PWP1: variants seen among roughly 807,000 people sequenced by gnomAD.
The protein encoded by PWP1 is periodic tryptophan protein 1 homolog.
In PWP1, 47 loss-of-function variants were observed where a neutral mutation model predicts 69.9. The ratio of observed to expected loss-of-function variants is 0.67; its 90% CI spans 0.53 to 0.86. The LOEUF (loss-of-function observed/expected upper bound fraction) is 0.86. Ranked by LOEUF, PWP1 falls within the 40% of genes least tolerant of loss-of-function variation. The probability of loss-of-function intolerance (pLI) is 0.00; values close to 1 mark genes in which losing one functional copy is unlikely to be tolerated. For synonymous variants in PWP1, 222 were observed against 208.2 expected (o/e 1.07, Z -0.57); for missense variants, 551 against 608.8 (o/e 0.91, Z 1.00).
At chr12:107,699,695 G>T (rs1476237368) in intron 8 of PWP1, among the ~76,000 whole-genome samples, 1 of 152,204 alleles carries the variant, frequency 6.6e-6, no homozygotes, top group Admixed American at 6.5e-5. Context: ...AAAAAACAGG[G>T]TGTTTGGCAG....
At chr12:107,700,578 TCAC>T (rs1246268802) in intron 8 of PWP1, among the ~76,000 whole-genome samples, 2 of 152,214 alleles carry the variant, frequency 1.3e-5, no homozygotes, top group East Asian at 3.8e-4. Flanking sequence ...TTACGTGTGG[TCAC>T]CTGGATTGCT....
intron 5 of PWP1, among the ~76,000 whole-genome samples, chr12:107,696,029 C>CTTTTTTTTTT (rs397700499): frequency 4.8e-5 from 5 of 103,742 alleles, no homozygotes; most frequent in Non-Finnish European, 7.3e-5. Flanking sequence ...ATATTGGAAT[C>CTTTTTTTTTT]TTTTTTTTTT....
rs1222614528 is a variant in PWP1 at position 107,712,467 on chromosome 12, A to G, written c.*247A>G. 3.0e-6 allele frequency: 1 copy of G among 330,816 alleles called. No homozygotes were observed. The highest frequency in any genetic ancestry group is 5.5e-6 in the Non-Finnish European group (1 of 180,202). 20.5% of individuals were successfully genotyped at this position (330,816 alleles called of 1,614,324 possible). A position where few individuals can be genotyped will look rare whatever the true frequency, so the allele number is the denominator to read the frequency against. On this transcript the variant is annotated 3_prime_UTR_variant, in exon 15 of 15. Transcript: ENST00000412830. ...GTAATAAAAAGGATTTTTAAAAAGTAATTCCTTAAACATACCATCTGTCAC... is the reference window on the plus strand; with the variant it reads ...GTAATAAAAAGGATTTTTAAAAAGTGATTCCTTAAACATACCATCTGTCAC...
intron 6 of PWP1, among the ~76,000 whole-genome samples, chr12:107,696,826 G>C (rs1889599105): frequency 6.6e-6 from 1 of 152,202 alleles, no homozygotes; most frequent in Non-Finnish European, 1.5e-5. Flanking sequence ...GAAGGACAGG[G>C]CCTGAAGCCT....
intron 13 of PWP1, 81 bp from the exon 14 acceptor site, chr12:107,710,324 T>G: frequency 6.4e-7 from 1 of 1,558,636 alleles, no homozygotes; most frequent in South Asian, 1.2e-5. Flanking sequence ...AAATCATAGA[T>G]TCTTAGAGAC....
At position 107,685,813 on chromosome 12, in the gene PWP1, G is replaced by C; in HGVS notation, c.-87G>C. On this transcript the variant is annotated 5_prime_UTR_variant, in exon 1 of 15. Coordinates refer to ENST00000412830, the MANE Select transcript of PWP1 (RefSeq NM_007062.3). ...TCTGCCCTGGCAGCGGCCCTGTGCA[G>C]ATCCCTGAGCGTGTGGCAGCAGTGC... The C allele has an allele frequency of 4.8e-6, 7 of 1,458,576 alleles. No individual in the cohort carries two copies. The highest frequency in any genetic ancestry group is 6.7e-6 in the Non-Finnish European group (7 of 1,043,458). 90.4% of individuals were successfully genotyped at this position (1,458,576 alleles called of 1,614,324 possible).
rs1334833046 is a variant in PWP1, at chr12:107,685,809, T to A, written c.-91T>A. The stretch of plus-strand genomic sequence containing the variant: ...GCGCTCTGCCCTGGCAGCGGCCCTG[T>A]GCAGATCCCTGAGCGTGTGGCAGCA... On this transcript the variant is annotated 5_prime_UTR_variant, in exon 1 of 15. Transcript: ENST00000412830. 2.1e-6 allele frequency: 3 copies of A among 1,414,132 alleles called. No homozygotes were observed. The allele number at this position is 1,414,132 out of a possible 1,614,324, so 87.6% of individuals were successfully genotyped here. A position where few individuals can be genotyped will look rare whatever the true frequency, so the allele number is the denominator to read the frequency against.
chr12:107,704,616 C>G lies in PWP1; in HGVS notation c.966-20C>G. On this transcript the variant is annotated intron_variant, in intron 10 of 14. Transcript: ENST00000412830. ...GAGAATTGAACTCTTAAAACCCTAA[C>G]TTTGCCTGAATGTGTCTAGGTCAGT... is the stretch of plus-strand genomic sequence containing the variant. 1 of 1,592,948 alleles carries G rather than the reference C, an allele frequency of 6.3e-7. No individual in the cohort carries two copies.
intron 8 of PWP1, among the ~76,000 whole-genome samples, chr12:107,700,608 T>G (rs536566834): frequency 4.6e-5 from 7 of 152,254 alleles, no homozygotes; most frequent in Non-Finnish European, 8.8e-5. Context: ...GCCTTTTGGA[T>G]ACTGTGAATA....
rs745574499 is a variant in PWP1 at position 107,688,803 on chromosome 12, G to A, written c.319+1G>A. On this transcript the variant is annotated splice_donor_variant, in intron 3 of 14. Transcript: ENST00000412830. LOFTEE classifies it high-confidence loss of function. The stretch of plus-strand genomic sequence containing the variant: ...AAATATGATGAGGAAGGTGACCCAG[G>A]TTAGTTTATCCACTTCTGATGGTTT... The A allele has an allele frequency of 1.9e-6, 3 of 1,612,698 alleles. No individual in the cohort carries two copies. The East Asian group carries it at 6.7e-5, about 36-fold the overall frequency.
chr12:107,705,907 T>C (rs530515484), intron 11 of PWP1, among the ~76,000 whole-genome samples: 3 of 152,218 alleles, frequency 2.0e-5, no homozygotes, highest in Admixed American at 6.5e-5. Context: ...CCTTTGGGTA[T>C]ATACCCAGTA....
Position 107,693,018 on chromosome 12 carries a change from G to A in PWP1, c.424G>A (p.Asp142Asn). 1.2e-6 allele frequency: 2 copies of A among 1,614,098 alleles called. No homozygotes were observed. Among genetic ancestry groups the A allele is most frequent in the Non-Finnish European group, 1.7e-6 (2 of 1,179,992 alleles). ...LKDTEQYERE[D>N]FLIKPSDNLI... ...CACTTAGGAACAATATGAACGTGAA[G>A]ATTTCTTGATTAAGCCCAGTGATAA... The change falls in exon 5 of 15, where the codon GAT becomes AAT. Residue 142 changes from aspartate (D) to asparagine (N), a missense_variant. Coordinates refer to ENST00000412830, the MANE Select transcript of PWP1 (RefSeq NM_007062.3).
At position 107,702,997 on chromosome 12, in the gene PWP1, A is replaced by G. The variant is rs1366092477; in HGVS notation, c.869A>G (p.Lys290Arg). ...TVILWDMSLG[K>R]PAASLAVHTD... ...ATTCTGTGGGATATGTCCTTGGGGA[A>G]ACCAGCAGCTAGCCTCGCTGTACAC... The change falls in exon 9 of 15, where the codon AAA becomes AGA. Residue 290 changes from lysine (K) to arginine (R), a missense_variant. By Grantham distance (26) the Lys-to-Arg change is conservative (BLOSUM62 2). Transcript: ENST00000412830. The G allele has an allele frequency of 6.2e-7, 1 of 1,611,428 alleles. No homozygotes were observed. Among genetic ancestry groups the G allele is most frequent in the Admixed American group, 1.7e-5 (1 of 59,996 alleles).
intron 5 of PWP1, among the ~76,000 whole-genome samples, chr12:107,694,859 A>T (rs575027528): frequency 2.0e-5 from 3 of 152,292 alleles, no homozygotes; most frequent in Non-Finnish European, 4.4e-5. Flanking sequence ...TTTGGAAGGA[A>T]TCTCCAAATT....
chr12:107,696,276 G>A (rs551924177), intron 5 of PWP1, among the ~76,000 whole-genome samples, 198 bp from the exon 6 acceptor site: 17 of 151,874 alleles, frequency 1.1e-4, no homozygotes, highest in Non-Finnish European at 2.1e-4. Context: ...CAAGTGATCC[G>A]CCCACCTTGG....
Position 107,706,634 on chromosome 12 carries a change from C to T in PWP1, c.1077+1887C>T, listed in dbSNP as rs556972053. Among the ~76,000 whole-genome samples the T allele has an allele frequency of 3.2e-4, 48 of 152,256 alleles. No individual in the cohort carries two copies. In the East Asian group the frequency reaches 8.1e-3, roughly 26 times the overall value. On this transcript the variant is annotated intron_variant, in intron 11 of 14. Coordinates refer to ENST00000412830, the MANE Select transcript of PWP1 (RefSeq NM_007062.3). ...TCTACATATGGCTAGCCAGTTTTCC[C>T]AGCACCATTTATTAAATAGGGAATC...
At chr12:107,695,841 T>C (rs1201681871) in intron 5 of PWP1, among the ~76,000 whole-genome samples, 1 of 152,196 alleles carries the variant, frequency 6.6e-6, no homozygotes. Flanking sequence ...AACTACTTCT[T>C]GTAGTTATGA....
chr12:107,709,258 T>TA (rs1889894044), intron 13 of PWP1, 26 bp downstream of exon 13: 1 of 1,607,520 alleles, frequency 6.2e-7, no homozygotes, highest in Non-Finnish European at 8.5e-7. Flanking sequence ...GGTATCTGTT[T>TA]TTTATTTATT....
intron 14 of PWP1, 58 bp downstream of exon 14, chr12:107,710,568 A>AAAT: frequency 6.8e-7 from 1 of 1,481,184 alleles, no homozygotes; most frequent in Non-Finnish European, 9.0e-7. Flanking sequence ...AAAAAAAAAA[A>AAAT]AAAAAGACAG....
Sources: allele counts gnomAD v4.1 joint callset (sites outside exome capture counted in the v4.1 genomes callset), GRCh38; gene constraint gnomAD v4.1.1; transcripts MANE v1.5; gene names NCBI Gene and HGNC (gene_info 2026-07-23, HGNC 2026-07-21).